Variants in NCAPD3 observed in about 807,000 individuals in gnomAD.
NCAPD3 encodes non-SMC condensin II complex subunit D3, also known as condensin-2 complex subunit D3.
NCAPD3 carries 105 observed loss-of-function variants against 182.9 expected under a neutral mutation model. That is an observed-to-expected ratio of 0.57 (90% CI 0.49 to 0.68). NCAPD3 has a LOEUF of 0.68. Ranked by LOEUF, NCAPD3 falls within the 30% of genes least tolerant of loss-of-function variation. The probability of loss-of-function intolerance (pLI) is 0.00; values close to 1 mark genes in which losing one functional copy is unlikely to be tolerated. For synonymous variants in NCAPD3, 815 were observed against 679.9 expected (o/e 1.20, Z -3.09); for missense variants, 1,944 against 1,837.0 (o/e 1.06, Z -1.07).
chr11:134,177,649 G>A (rs1192554524), intron 22 of NCAPD3, 192 bp from the exon 23 acceptor site: 4 of 591,114 alleles, frequency 6.8e-6, no homozygotes, highest in Admixed American at 6.0e-5. Context: ...TACCTAAGGA[G>A]AAATAAACTC....
intron 27 of NCAPD3, among the ~76,000 whole-genome samples, chr11:134,165,213 TG>T (rs1444059883): frequency 2.2e-5 from 3 of 137,020 alleles, no homozygotes; most frequent in African/African-American, 8.3e-5. Flanking sequence ...GCGGCACACT[TG>T]TGAGATGAGC....
chr11:134,198,197 A>G (rs1944676847), intron 13 of NCAPD3, among the ~76,000 whole-genome samples: 1 of 152,178 alleles, frequency 6.6e-6, no homozygotes, highest in Non-Finnish European at 1.5e-5. Flanking sequence ...AAGTCTGATA[A>G]GAAACGTTTA....
chr11:134,180,421 T>C (rs1022495153), intron 20 of NCAPD3, among the ~76,000 whole-genome samples: 8 of 152,034 alleles, frequency 5.3e-5, no homozygotes, highest in Non-Finnish European at 1.0e-4. Context: ...CATTATTTCC[T>C]TTACTGGACA....
At chr11:134,194,540 G>T in intron 14 of NCAPD3, 125 bp downstream of exon 14, 1 of 596,154 alleles carries the variant, frequency 1.7e-6, no homozygotes, top group South Asian at 2.6e-5. Flanking sequence ...CAGGATCAGG[G>T]TCAACTAACA....
chr11:134,164,519 C>T (rs1390554291), intron 27 of NCAPD3, among the ~76,000 whole-genome samples: 2 of 152,010 alleles, frequency 1.3e-5, no homozygotes, highest in Admixed American at 6.5e-5. Context: ...ACACGGAAGC[C>T]AGTAGATGGT....
chr11:134,167,936 GCTT>G (rs1359756394), intron 27 of NCAPD3, 57 bp downstream of exon 27: 3 of 1,514,944 alleles, frequency 2.0e-6, no homozygotes, highest in Non-Finnish European at 2.7e-6. Flanking sequence ...CGTGAGATGA[GCTT>G]AGGGGAGCAG....
At chr11:134,223,722 G>C in intron 1 of NCAPD3, 141 bp downstream of exon 1, 2 of 960,288 alleles carry the variant, frequency 2.1e-6, no homozygotes, top group Non-Finnish European at 3.1e-6. Context: ...GGCGTGGCAC[G>C]GCCCTGGGGA....
intron 7 of NCAPD3, among the ~76,000 whole-genome samples, chr11:134,207,586 T>C (rs1937651880): frequency 1.3e-5 from 2 of 151,620 alleles, no homozygotes; most frequent in South Asian, 2.1e-4. Context: ...TCTCTAAAAA[T>C]ACAAAAATTA....
chr11:134,192,548 G>T, intron 16 of NCAPD3, 141 bp downstream of exon 16: 1 of 698,742 alleles, frequency 1.4e-6, no homozygotes, highest in East Asian at 2.7e-5. Flanking sequence ...GTCAGTCAGG[G>T]AAAGAGAGAC....
intron 3 of NCAPD3, among the ~76,000 whole-genome samples, chr11:134,215,894 T>C (rs1410687103): frequency 8.5e-5 from 13 of 152,172 alleles, no homozygotes; most frequent in Admixed American, 5.9e-4. Flanking sequence ...ATCGACAGCA[T>C]CCCAATCATA....
Position 134,222,466 on chromosome 11 carries a change from T to C in NCAPD3, c.64+1397A>G, listed in dbSNP as rs139001923. 1.1e-3 allele frequency among the ~76,000 whole-genome samples: 166 copies of C among 152,332 alleles called. 2 individuals carry two copies. The highest frequency in any genetic ancestry group is 3.8e-3 in the African/African-American group (159 of 41,562). On this transcript the variant is annotated intron_variant, in intron 1 of 34. Coordinates refer to ENST00000534548, the MANE Select transcript of NCAPD3 (RefSeq NM_015261.3). ...ATTTTGAGTCAGAACGAGGCAAATA[T>C]CCTGACTTGATCACTTACACATAAT...
At chr11:134,182,153 A>T (rs1272497736) in intron 19 of NCAPD3, among the ~76,000 whole-genome samples, 9 of 152,200 alleles carry the variant, frequency 5.9e-5, no homozygotes, top group Admixed American at 5.9e-4. Context: ...CCTGGGTACT[A>T]GGACTAGTAA....
intron 7 of NCAPD3, among the ~76,000 whole-genome samples, chr11:134,208,419 A>G (rs935480668): frequency 6.6e-6 from 1 of 152,214 alleles, no homozygotes; most frequent in Non-Finnish European, 1.5e-5. Context: ...ATCAACACAA[A>G]TAATACAACT....
chr11:134,153,480 C>A, intron 32 of NCAPD3, 117 bp from the exon 33 acceptor site: 1 of 1,001,340 alleles, frequency 1.0e-6, no homozygotes, highest in South Asian at 1.3e-5. Flanking sequence ...CGGCGGCCCT[C>A]AGACCTCCAC....
At chr11:134,185,695 G>C (rs1591842604) in intron 16 of NCAPD3, among the ~76,000 whole-genome samples, 169 bp from the exon 17 acceptor site, 2 of 151,818 alleles carry the variant, frequency 1.3e-5, no homozygotes, top group Non-Finnish European at 2.9e-5. Context: ...TACCAAACTA[G>C]GTATCTTTTA....
rs532788837 is a variant in NCAPD3, at chr11:134,208,195, G to A, written c.882+669C>T. On this transcript the variant is annotated intron_variant, in intron 7 of 34. Transcript: ENST00000534548. ...GGTTACTGCCTCTGCAAGGTAACGC[G>A]TCGCAGATACCAAAAGCCACATGAC... is the stretch of plus-strand genomic sequence containing the variant. 3.9e-5 allele frequency among the ~76,000 whole-genome samples: 6 copies of A among 152,248 alleles called. No homozygotes were observed. In the East Asian group the frequency reaches 7.7e-4, roughly 20 times the overall value.
rs192276573 is a variant in NCAPD3 at position 134,165,087 on chromosome 11, G to A, written c.3573+2909C>T. 8.2e-3 allele frequency among the ~76,000 whole-genome samples: 1,229 copies of A among 150,788 alleles called. 6 individuals carry two copies. The highest frequency in any genetic ancestry group is 0.011 in the Non-Finnish European group (746 of 67,802). On this transcript the variant is annotated intron_variant, in intron 27 of 34. Coordinates refer to ENST00000534548, the MANE Select transcript of NCAPD3 (RefSeq NM_015261.3). ...GAGGGGGAGCGGCACACTCACTTGT[G>A]AAATGAGCTTGCGGGAGCTGCACAC...
chr11:134,189,100 T>C (rs1001402090), intron 16 of NCAPD3, among the ~76,000 whole-genome samples: 2 of 152,208 alleles, frequency 1.3e-5, no homozygotes, highest in Admixed American at 1.3e-4. Flanking sequence ...AATGCCTATA[T>C]AGAACTGTGC....
At chr11:134,156,352 G>C (rs1943418727) in intron 32 of NCAPD3, among the ~76,000 whole-genome samples, 1 of 152,128 alleles carries the variant, frequency 6.6e-6, no homozygotes, top group Non-Finnish European at 1.5e-5. Flanking sequence ...ACGGCGGCAG[G>C]GCCTAGCCAC....
Sources: allele counts gnomAD v4.1 joint callset (sites outside exome capture counted in the v4.1 genomes callset), GRCh38; gene constraint gnomAD v4.1.1; transcripts MANE v1.5; gene names NCBI Gene and HGNC (gene_info 2026-07-23, HGNC 2026-07-21).